Variants in IL1RAPL1 observed in about 807,000 individuals in gnomAD.
The protein encoded by IL1RAPL1 is interleukin-1 receptor accessory protein-like 1.
IL1RAPL1 carries 3 observed loss-of-function variants against 48.4 expected under a neutral mutation model. The observed-to-expected ratio is 0.06, with a 90% CI of 0.03 to 0.16. IL1RAPL1 has a LOEUF of 0.16. Among genes scored for constraint, IL1RAPL1 ranks in the 10% least tolerant of loss-of-function variants. The pLI, the probability that IL1RAPL1 is intolerant of heterozygous loss-of-function variation, is 1.00. For synonymous variants in IL1RAPL1, 185 were observed against 187.7 expected (o/e 0.99, Z 0.12); for missense variants, 349 against 530.6 (o/e 0.66, Z 3.36).
At chrX:29,681,738 T>C (rs903617567) in intron 6 of IL1RAPL1, among the ~76,000 whole-genome samples, 5 of 112,179 alleles carry the variant, frequency 4.5e-5, no homozygotes, top group African/African-American at 1.6e-4. Flanking sequence ...CCTACTTTCA[T>C]GAATGTAATG....
chrX:29,169,498 G>GA (rs1463701367), intron 2 of IL1RAPL1, among the ~76,000 whole-genome samples: 1 of 110,052 alleles, frequency 9.1e-6, no homozygotes, highest in Non-Finnish European at 1.9e-5. Flanking sequence ...AATCTCATAT[G>GA]AAAAAAATGA....
At chrX:28,730,137 T>C (rs1412062450) in intron 1 of IL1RAPL1, among the ~76,000 whole-genome samples, 1 of 111,740 alleles carries the variant, frequency 8.9e-6, no homozygotes, top group Non-Finnish European at 1.9e-5. Flanking sequence ...GCTTATCCAT[T>C]TGCTGAAGTT....
At chrX:29,785,651 G>A (rs771249946) in intron 6 of IL1RAPL1, among the ~76,000 whole-genome samples, 16 of 111,815 alleles carry the variant, frequency 1.4e-4, no homozygotes, top group Non-Finnish European at 2.8e-4. Context: ...TCCCCAACTC[G>A]AAATGAATAA....
chrX:29,442,441 T>C (rs1407058126), intron 5 of IL1RAPL1, among the ~76,000 whole-genome samples: 4 of 111,106 alleles, frequency 3.6e-5, no homozygotes, highest in African/African-American at 1.3e-4. Flanking sequence ...ATCTCACAAA[T>C]CACCACTAAA....
chrX:29,675,575 C>A (rs1926259070), intron 6 of IL1RAPL1, among the ~76,000 whole-genome samples: 1 of 111,956 alleles, frequency 8.9e-6, no homozygotes, highest in Non-Finnish European at 1.9e-5. Context: ...GTTATCAGGT[C>A]AAACCTTTTT....
At chrX:29,882,331 G>A (rs772065097) in intron 6 of IL1RAPL1, among the ~76,000 whole-genome samples, 64 of 111,448 alleles carry the variant, frequency 5.7e-4, no homozygotes, top group Admixed American at 2.2e-3. Flanking sequence ...ATAAGTTCGG[G>A]TACTAGTCCT....
At chrX:29,043,177 T>A (rs113496391) in intron 2 of IL1RAPL1, among the ~76,000 whole-genome samples, 2 of 111,822 alleles carry the variant, frequency 1.8e-5, no homozygotes, top group African/African-American at 6.5e-5. Context: ...ATTGTGATGA[T>A]GTGTGAAATA....
At chrX:29,284,357 A>G (rs1212902608) in intron 3 of IL1RAPL1, among the ~76,000 whole-genome samples, 2 of 112,568 alleles carry the variant, frequency 1.8e-5, no homozygotes, top group Admixed American at 1.9e-4. Flanking sequence ...AACACTAGCA[A>G]CATATATTAT....
At chrX:28,597,352 G>A (rs193180432) in intron 1 of IL1RAPL1, among the ~76,000 whole-genome samples, 10 of 111,567 alleles carry the variant, frequency 9.0e-5, no homozygotes, top group African/African-American at 1.6e-4. Flanking sequence ...TGAGTTTCAC[G>A]CTTATTCCAA....
chrX:29,721,768 A>C (rs753089095), intron 6 of IL1RAPL1, among the ~76,000 whole-genome samples: 2 of 112,218 alleles, frequency 1.8e-5, no homozygotes, highest in Non-Finnish European at 3.8e-5. Context: ...AAAGATAATC[A>C]GGTACAATTT....
intron 2 of IL1RAPL1, among the ~76,000 whole-genome samples, chrX:29,266,180 G>A (rs1007678305): frequency 7.2e-5 from 8 of 111,316 alleles, no homozygotes; most frequent in Admixed American, 5.7e-4. Context: ...TATTTATTGC[G>A]GCACTATTCA....
chrX:29,832,868 G>A lies in IL1RAPL1; in HGVS notation c.779-84596G>A, dbSNP rs780256682. Among the ~76,000 whole-genome samples the A allele has an allele frequency of 3.7e-5, 4 of 109,535 alleles. No homozygotes were observed. In the South Asian group the frequency reaches 1.6e-3, roughly 43 times the overall value. On this transcript the variant is annotated intron_variant, in intron 6 of 10. Transcript: ENST00000378993. The stretch of plus-strand genomic sequence containing the variant: ...TGTTGGCTTTGATGTTCACTGTCAG[G>A]GATAAAACAAATTCACAAATATTTG...
At chrX:28,646,250 G>A (rs1294869806) in intron 1 of IL1RAPL1, among the ~76,000 whole-genome samples, 2 of 111,701 alleles carry the variant, frequency 1.8e-5, no homozygotes, top group Non-Finnish European at 3.8e-5. Context: ...TCACAATAGG[G>A]TTCATACACC....
In IL1RAPL1 at chrX:28,717,914, A is replaced by G. The variant is rs1486939033; in HGVS notation, c.-24-71406A>G. Among the ~76,000 whole-genome samples the G allele has an allele frequency of 1.6e-4, 18 of 111,667 alleles. No homozygotes were observed. In the Admixed American group the frequency reaches 1.6e-3, roughly 10 times the overall value. On this transcript the variant is annotated intron_variant, in intron 1 of 10. Coordinates refer to ENST00000378993, the MANE Select transcript of IL1RAPL1 (RefSeq NM_014271.4). ...ATAATCTAATGTAGTATTTTCCACA[A>G]TGAGCTTCCTGAAAGGCTGATCTTC...
intron 2 of IL1RAPL1, among the ~76,000 whole-genome samples, chrX:29,228,343 G>T (rs1931126775): frequency 1.0e-5 from 1 of 99,799 alleles, no homozygotes; most frequent in Non-Finnish European, 2.0e-5. Context: ...GTGTGTGTGT[G>T]TGTGTGTGTG....
chrX:29,341,539 A>G (rs1454120527), intron 3 of IL1RAPL1, among the ~76,000 whole-genome samples: 1 of 111,872 alleles, frequency 8.9e-6, no homozygotes, highest in African/African-American at 3.3e-5. Flanking sequence ...GTGAAGATGA[A>G]AAAGTTGAGT....
At chrX:28,853,759 A>G (rs757637926) in intron 2 of IL1RAPL1, among the ~76,000 whole-genome samples, 80 of 112,021 alleles carry the variant, frequency 7.1e-4, no homozygotes, top group Non-Finnish European at 9.2e-4. Context: ...GATCATTAAG[A>G]TAGGGTAGCT....
chrX:29,860,017 C>CTATT (rs200951829), intron 6 of IL1RAPL1, among the ~76,000 whole-genome samples: 1,168 of 111,903 alleles, frequency 0.01, 15 homozygotes, highest in African/African-American at 0.035. Context: ...TTTATAAACT[C>CTATT]TATTTCTAAC....
chrX:29,804,974 A>T (rs1397288491), intron 6 of IL1RAPL1, among the ~76,000 whole-genome samples: 1 of 111,924 alleles, frequency 8.9e-6, no homozygotes, highest in Non-Finnish European at 1.9e-5. Flanking sequence ...AATACTGAGC[A>T]TCTACACATT....
Sources: gnomAD v4.1 joint callset for allele counts (sites outside exome capture counted in the v4.1 genomes callset) on GRCh38, gnomAD v4.1.1 for gene constraint, MANE v1.5 for transcripts, NCBI Gene and HGNC (gene_info 2026-07-23, HGNC 2026-07-21) for gene names.